Variants in TENM1 observed in about 807,000 individuals in gnomAD.
TENM1 encodes teneurin transmembrane protein 1, also known as teneurin-1.
A neutral mutation model predicts 174.8 loss-of-function variants in TENM1; 35 were observed. The ratio of observed to expected loss-of-function variants is 0.20; its 90% CI spans 0.15 to 0.27. TENM1 has a LOEUF of 0.27. TENM1 is among the 10% of genes least tolerant of loss of function. The pLI is 1.00. For missense variants in TENM1, 1,633 were observed against 2,130.1 expected (o/e 0.77, Z 4.59); for synonymous variants, 781 against 798.7 (o/e 0.98, Z 0.37).
At chrX:124,606,547 G>T (rs2050161899) in intron 11 of TENM1, among the ~76,000 whole-genome samples, 1 of 111,462 alleles carries the variant, frequency 9.0e-6, no homozygotes. Flanking sequence ...GAAGGGAGAG[G>T]AAACAAGATG....
rs758973751 is a variant in TENM1, at chrX:124,555,674, C to T, written c.2434+5997G>A. On this transcript the variant is annotated intron_variant, in intron 14 of 31. Transcript: ENST00000422452. ...CTTGGGTGGAAGAATGATGACATCA[C>T]TGATACTTTATGAAAAGTTAATGGG... is the stretch of plus-strand genomic sequence containing the variant. Among the ~76,000 whole-genome samples, 3 of 111,774 alleles carry T rather than the reference C, an allele frequency of 2.7e-5. No individual in the cohort carries two copies. The South Asian group carries it at 1.1e-3, about 42-fold the overall frequency.
chrX:124,983,566 G>A, the TENM1 span, among the ~76,000 whole-genome samples: 11 of 111,439 alleles, frequency 9.9e-5, no homozygotes, highest in Non-Finnish European at 1.5e-4. Flanking sequence ...TCCTGAAACC[G>A]TAACAAAATT....
chrX:124,408,776 G>A (rs1349855914), intron 25 of TENM1, among the ~76,000 whole-genome samples: 2 of 102,336 alleles, frequency 2.0e-5, no homozygotes, highest in African/African-American at 7.2e-5. Flanking sequence ...CCGTTAACTC[G>A]TCATTTAACA....
At chrX:124,468,322 C>T (rs987958603) in intron 22 of TENM1, among the ~76,000 whole-genome samples, 11 of 109,567 alleles carry the variant, frequency 1.0e-4, no homozygotes, top group African/African-American at 3.7e-4. Context: ...ATTACAGGCA[C>T]CCACCACCAC....
the TENM1 span, among the ~76,000 whole-genome samples, chrX:125,132,330 A>G: frequency 9.0e-6 from 1 of 111,651 alleles, no homozygotes; most frequent in Non-Finnish European, 1.9e-5. Flanking sequence ...CTTACAAGTG[A>G]GCTTCTAGTG....
At chrX:125,163,169 A>G in the TENM1 span, among the ~76,000 whole-genome samples, 1 of 111,388 alleles carries the variant, frequency 9.0e-6, no homozygotes, top group Non-Finnish European at 1.9e-5. Context: ...GCTGGACAGA[A>G]CTCAATAGTA....
At chrX:125,184,380 T>G in the TENM1 span, among the ~76,000 whole-genome samples, 4 of 112,148 alleles carry the variant, frequency 3.6e-5, no homozygotes, top group African/African-American at 1.3e-4. Context: ...TCGACTTACT[T>G]TTTAAGTAAG....
At chrX:125,035,417 A>G in the TENM1 span, among the ~76,000 whole-genome samples, 4 of 111,263 alleles carry the variant, frequency 3.6e-5, no homozygotes, top group Non-Finnish European at 7.6e-5. Flanking sequence ...TCAGGAAGTG[A>G]CTCCATGAGT....
At chrX:125,188,397 G>A in the TENM1 span, among the ~76,000 whole-genome samples, 1 of 110,817 alleles carries the variant, frequency 9.0e-6, no homozygotes, top group Non-Finnish European at 1.9e-5. Context: ...GAAAAGAAAA[G>A]AAAAGGCAGT....
intron 11 of TENM1, among the ~76,000 whole-genome samples, chrX:124,581,819 T>G (rs2049320777): frequency 8.9e-6 from 1 of 112,291 alleles, no homozygotes; most frequent in African/African-American, 3.2e-5. Context: ...TTCATATGTT[T>G]GTTGGCTACT....
At chrX:124,445,693 T>C (rs1435261050) in intron 23 of TENM1, among the ~76,000 whole-genome samples, 2 of 112,301 alleles carry the variant, frequency 1.8e-5, no homozygotes, top group Non-Finnish European at 3.8e-5. Flanking sequence ...GGATTTCCTA[T>C]GCATGCAAAA....
At chrX:125,174,294 T>C in the TENM1 span, among the ~76,000 whole-genome samples, 1 of 111,511 alleles carries the variant, frequency 9.0e-6, no homozygotes. Flanking sequence ...GTTATAAAGG[T>C]AGATGAAATC....
At chrX:124,479,268 T>C (rs945466955) in intron 22 of TENM1, among the ~76,000 whole-genome samples, 3 of 112,395 alleles carry the variant, frequency 2.7e-5, no homozygotes, top group Non-Finnish European at 5.6e-5. Flanking sequence ...TCAAAGCAGA[T>C]GTTGACAACA....
chrX:124,621,456 C>G (rs1177769974), intron 11 of TENM1, among the ~76,000 whole-genome samples: 1 of 111,962 alleles, frequency 8.9e-6, no homozygotes, highest in Non-Finnish European at 1.9e-5. Context: ...CTGGGTGACA[C>G]AGCAAGACTC....
At chrX:124,797,418 T>C (rs1166321936) in intron 3 of TENM1, among the ~76,000 whole-genome samples, 1 of 111,645 alleles carries the variant, frequency 9.0e-6, no homozygotes, top group Non-Finnish European at 1.9e-5. Flanking sequence ...TCCTAGAGAC[T>C]TGTCCATCCA....
chrX:125,001,421 A>G, the TENM1 span, among the ~76,000 whole-genome samples: 1 of 111,388 alleles, frequency 9.0e-6, no homozygotes, highest in East Asian at 2.8e-4. Context: ...CTTGAAACTA[A>G]ACAATCTCTA....
At chrX:124,438,376 T>A (rs1244849617) in intron 23 of TENM1, among the ~76,000 whole-genome samples, 1 of 110,412 alleles carries the variant, frequency 9.1e-6, no homozygotes, top group African/African-American at 3.3e-5. Context: ...AGAAGTATCT[T>A]AGATATTTCT....
At chrX:124,872,030 C>CAAAAAAAAA (rs748541890) in intron 3 of TENM1, among the ~76,000 whole-genome samples, 68 of 35,300 alleles carry the variant, frequency 1.9e-3, no homozygotes, top group African/African-American at 6.6e-3. Context: ...GACTCTGTCT[C>CAAAAAAAAA]AAAAAAAAAA....
the TENM1 span, among the ~76,000 whole-genome samples, chrX:124,986,594 G>A: frequency 1.8e-5 from 2 of 111,908 alleles, no homozygotes; most frequent in Admixed American, 9.5e-5. Context: ...GGGCTTTCCC[G>A]TGGATGTGTC....
Sources: gnomAD v4.1 joint callset for allele counts (sites outside exome capture counted in the v4.1 genomes callset) on GRCh38, gnomAD v4.1.1 for gene constraint, MANE v1.5 for transcripts, NCBI Gene and HGNC (gene_info 2026-07-23, HGNC 2026-07-21) for gene names.